NOTCH1: variants seen among roughly 807,000 people sequenced by gnomAD.
NOTCH1 encodes the protein notch receptor 1, also known as neurogenic locus notch homolog protein 1.
A neutral mutation model predicts 254.8 loss-of-function variants in NOTCH1; 37 were observed. That is an observed-to-expected ratio of 0.15 (90% CI 0.11 to 0.19). The LOEUF (loss-of-function observed/expected upper bound fraction) is 0.19, where lower values mean the gene tolerates loss of function less well. Among genes scored for constraint, NOTCH1 ranks in the 10% least tolerant of loss-of-function variants. The probability of loss-of-function intolerance (pLI) is 1.00; values close to 1 mark genes in which losing one functional copy is unlikely to be tolerated. For missense variants in NOTCH1, 2,972 were observed against 3,708.6 expected (o/e 0.80, Z 5.16); for synonymous variants, 1,731 against 1,618.1 (o/e 1.07, Z -1.68).
At chr9:136,538,517 G>A (rs112969124) in intron 2 of NOTCH1, among the ~76,000 whole-genome samples, 234 of 152,368 alleles carry the variant, frequency 1.5e-3, no homozygotes, top group African/African-American at 5.3e-3. Context: ...AGGAGAAAGC[G>A]CCAGCGCTGC....
chr9:136,517,334 G>A lies in NOTCH1; in HGVS notation c.1493C>T (p.Pro498Leu). 3 of 1,609,722 alleles carry A rather than the reference G, an allele frequency of 1.9e-6. No individual in the cohort carries two copies. The highest frequency in any genetic ancestry group is 2.5e-6 in the Non-Finnish European group (3 of 1,178,632). Residue 498 changes from proline to leucine, a missense_variant, in exon 9 of 34, where the codon CCC (proline) becomes CTC (leucine). By Grantham distance (98) the Pro-to-Leu change is moderately conservative. This residue lies in a region of NOTCH1 where 128 missense variants were observed against 193.8 expected (regional missense o/e 0.66). Transcript: ENST00000651671. Reference sequence around the variant, plus strand: ...CAGGCAGCGGCCATTGTGCAGGCAGGGGCTGCTGGCACACTCGTCTGTGTT... The same window carrying A: ...CAGGCAGCGGCCATTGTGCAGGCAGAGGCTGCTGGCACACTCGTCTGTGTT... ...EVNTDECASS[P>L]CLHNGRCLDK... is the part of the protein sequence containing the mutation.
chr9:136,522,959 A>G lies in NOTCH1; in HGVS notation c.633T>C (p.Thr211=), dbSNP rs1843397629. The G allele has an allele frequency of 5.8e-6, 9 of 1,558,296 alleles. No individual in the cohort carries two copies. The highest frequency in any genetic ancestry group is 7.8e-6 in the Non-Finnish European group (9 of 1,151,848). ...CGTAGGGCCGCTCGCAGTTGGGGCCAGTGTGGGTGGCGCGGCAGACGCAGC... is the reference window on the plus strand; with the variant it reads ...CGTAGGGCCGCTCGCAGTTGGGGCCGGTGTGGGTGGCGCGGCAGACGCAGC... ...SYRCVCRATH[T]GPNCERPYVP... The change falls in exon 4 of 34, where the codon ACT becomes ACC. Residue 211 remains threonine (T), a synonymous_variant. Coordinates refer to ENST00000651671, the MANE Select transcript of NOTCH1 (RefSeq NM_017617.5).
chr9:136,502,013 G>A lies in NOTCH1; in HGVS notation c.5460C>T (p.Thr1820=), dbSNP rs1176961989. 12 of 1,612,952 alleles carry A rather than the reference G, an allele frequency of 7.4e-6. No homozygotes were observed. In the Admixed American group the frequency reaches 8.3e-5, roughly 11 times the overall value. Residue 1820 remains threonine (T), a synonymous_variant, in exon 29 of 34, where the codon ACC becomes ACT. Coordinates refer to ENST00000651671, the MANE Select transcript of NOTCH1 (RefSeq NM_017617.5). ...CCTCGCGACTCACCCGGAACTTCTT[G>A]GTCTCCAGGTCCTCGTCCCCCCACT... ...QNEWGDEDLE[T]KKFRFEEPVV...
chr9:136,505,140 C>T (rs768748949), intron 25 of NOTCH1, 36 bp from the exon 26 acceptor site: 69 of 1,585,188 alleles, frequency 4.4e-5, no homozygotes, highest in Admixed American at 6.8e-5. Context: ...CCGCCTTCCT[C>T]GGGGGGCCTC....
Position 136,513,402 on chromosome 9 carries a change from C to T in NOTCH1, c.2343G>A (p.Glu781=), listed in dbSNP as rs1361020382. 4 of 1,612,810 alleles carry T rather than the reference C, an allele frequency of 2.5e-6. No homozygotes were observed. In the African/African-American group the frequency reaches 5.3e-5, roughly 22 times the overall value. ...GCGCAGCCCACTCACCGCTGAAGCC[C>T]TCCCGGCAGGTGCACACGTAGCCAC... The part of the protein sequence containing the change: ...MTSGYVCTCR[E]GFSGPNCQTN... Residue 781 remains glutamate, a synonymous_variant, in exon 14 of 34, where the codon GAG becomes GAA. Transcript: ENST00000651671. The surrounding 1 kb of genome is among the most constrained non-coding windows in gnomAD (Gnocchi z 4.7).
At chr9:136,535,944 AG>A (rs201039027) in intron 2 of NOTCH1, among the ~76,000 whole-genome samples, 1 of 19,982 alleles carries the variant, frequency 5.0e-5, no homozygotes, top group Non-Finnish European at 1.0e-4. Context: ...GTGGGTGGAG[AG>A]GGGAGCACTC....
chr9:136,537,695 C>T (rs1469455191), intron 2 of NOTCH1, among the ~76,000 whole-genome samples: 2 of 152,068 alleles, frequency 1.3e-5, no homozygotes, highest in Admixed American at 6.6e-5. Context: ...ACTCTGGAGG[C>T]GGAGGCAGGA....
At chr9:136,508,829 A>G in intron 19 of NOTCH1, 41 bp downstream of exon 19, 1 of 1,518,106 alleles carries the variant, frequency 6.6e-7, no homozygotes, top group Non-Finnish European at 8.9e-7. Context: ...GCACCCACCC[A>G]GGGCCCCTCC....
At position 136,518,824 on chromosome 9, in the gene NOTCH1, C is replaced by A. The variant is rs2133371706; in HGVS notation, c.866G>T (p.Gly289Val). The change falls in exon 6 of 34, where the codon GGT becomes GTT. Residue 289 changes from glycine to valine, a missense_variant and splice_region_variant. By Grantham distance (109) the Gly-to-Val change is moderately radical (BLOSUM62 -3). This residue lies in a region of NOTCH1 where 374 missense variants were observed against 496.3 expected (regional missense o/e 0.75). Coordinates refer to ENST00000651671, the MANE Select transcript of NOTCH1 (RefSeq NM_017617.5). ...GTCCACATCCTCGGTACAGTACTGA[C>A]CTGCAGGGAACAGGAGCTGTCGGCC... is the stretch of plus-strand genomic sequence containing the variant. ...YNCRCPPEWT[G>V]QYCTEDVDEC... 1.2e-6 allele frequency: 2 copies of A among 1,612,576 alleles called. No homozygotes were observed. The highest frequency in any genetic ancestry group is 1.7e-6 in the Non-Finnish European group (2 of 1,179,778).
At chr9:136,536,805 C>T (rs535669069) in intron 2 of NOTCH1, among the ~76,000 whole-genome samples, 1 of 152,380 alleles carries the variant, frequency 6.6e-6, no homozygotes, top group Admixed American at 6.5e-5. Flanking sequence ...CATGCTCCTC[C>T]CCTGCCCAGG....
Position 136,506,517 on chromosome 9 carries a change from C to T in NOTCH1, c.4014+10G>A, listed in dbSNP as rs1843087502. The T allele has an allele frequency of 3.8e-6, 6 of 1,580,182 alleles. No individual in the cohort carries two copies. The East Asian group carries it at 1.4e-4, about 36-fold the overall frequency. ...GGCGGGCCCCTGCCTCCCTGCACCC[C>T]TGCACCTACCGCAGGGCACTTGCAG... On this transcript the variant is annotated intron_variant, in intron 24 of 33. Coordinates refer to ENST00000651671, the MANE Select transcript of NOTCH1 (RefSeq NM_017617.5). The surrounding 1 kb of genome is among the most constrained non-coding windows in gnomAD (Gnocchi z 4.5).
intron 2 of NOTCH1, among the ~76,000 whole-genome samples, chr9:136,524,639 C>CTTTTTT (rs869128901): frequency 7.4e-4 from 40 of 54,406 alleles, no homozygotes; most frequent in Non-Finnish European, 8.4e-4. Context: ...TTTTTCTTTT[C>CTTTTTT]TTTTTTTTTT....
Position 136,502,316 on chromosome 9 carries a change from C to T in NOTCH1, c.5340G>A (p.Lys1780=), listed in dbSNP as rs148187717. ...PEGFKVSEAS[K]KKRREPLGED... ...CGCCGAGGGGCTCCCGCCGCTTCTT[C>T]TTGCTGGCCTCAGACACTTTGAAGC... The change falls in exon 28 of 34, where the codon AAG becomes AAA. Residue 1780 remains lysine (K), a synonymous_variant. Coordinates refer to ENST00000651671, the MANE Select transcript of NOTCH1 (RefSeq NM_017617.5). The T allele has an allele frequency of 2.0e-5, 33 of 1,612,376 alleles. No individual in the cohort carries two copies. The highest frequency in any genetic ancestry group is 1.3e-5 in the Non-Finnish European group (15 of 1,179,828).
At chr9:136,517,455 TG>T (rs1843294411) in intron 8 of NOTCH1, 70 bp from the exon 9 acceptor site, 10 of 1,153,802 alleles carry the variant, frequency 8.7e-6, no homozygotes, top group Non-Finnish European at 1.3e-5. Flanking sequence ...GCTGTGGACT[TG>T]GGACAGAAAC....
intron 4 of NOTCH1, among the ~76,000 whole-genome samples, chr9:136,521,267 G>A (rs1473671586): frequency 1.3e-5 from 2 of 152,200 alleles, no homozygotes; most frequent in East Asian, 1.9e-4. Context: ...ACCCCTCACC[G>A]GACGGGTGAC....
chr9:136,504,712 C>A lies in NOTCH1; in HGVS notation c.4979G>T (p.Gly1660Val), dbSNP rs2133335795. Reference protein sequence around the residue: ...ASLLPGGSEGGRRRRELDPMD... With the variant: ...ASLLPGGSEGVRRRRELDPMD... ...GGGGTCCAGCTCCCTCCGCCGCCGCCCACCCTCGCTGCCACCAGGGAGCAG... is the reference window on the plus strand; with the variant it reads ...GGGGTCCAGCTCCCTCCGCCGCCGCACACCCTCGCTGCCACCAGGGAGCAG... The change falls in exon 26 of 34, where the codon GGG becomes GTG. Residue 1660 changes from glycine to valine, a missense_variant. This residue lies in a region of NOTCH1 where 1,343 missense variants were observed against 1,557.0 expected (regional missense o/e 0.86). Coordinates refer to ENST00000651671, the MANE Select transcript of NOTCH1 (RefSeq NM_017617.5). The A allele has an allele frequency of 1.3e-6, 2 of 1,539,040 alleles. No homozygotes were observed. Among genetic ancestry groups the A allele is most frequent in the Non-Finnish European group, 1.8e-6 (2 of 1,141,058 alleles).
chr9:136,529,466 C>G (rs916397794), intron 2 of NOTCH1, among the ~76,000 whole-genome samples: 8 of 152,232 alleles, frequency 5.3e-5, no homozygotes, highest in African/African-American at 1.9e-4. Flanking sequence ...ATGAGCTGGG[C>G]AGGGGGCTCG....
rs1025382096 is a variant in NOTCH1 at position 136,516,110 on chromosome 9, G to A, written c.1556-16C>T. The A allele has an allele frequency of 1.3e-6, 2 of 1,572,096 alleles. No individual in the cohort carries two copies. Among genetic ancestry groups the A allele is most frequent in the Non-Finnish European group, 1.7e-6 (2 of 1,148,066 alleles). ...CCAGTGAAGCCTGGGGCCGGGGAGG[G>A]GAGGGGAGGGAGTCATGTGCAACAG... On this transcript the variant is annotated splice_polypyrimidine_tract_variant and intron_variant, in intron 9 of 33. Transcript: ENST00000651671.
chr9:136,506,451 G>T lies in NOTCH1; in HGVS notation c.4014+76C>A. The T allele has an allele frequency of 1.5e-6, 2 of 1,297,480 alleles. No individual in the cohort carries two copies. Among genetic ancestry groups the T allele is most frequent in the Non-Finnish European group, 2.2e-6 (2 of 928,186 alleles). The allele number at this position is 1,297,480 out of a possible 1,614,324, so 80.4% of individuals were successfully genotyped here. ...CCGGGAGGATCACTGCCCGGTCTGC[G>T]CCCCGAGGCCCCCACGTGGACCTCT... On this transcript the variant is annotated intron_variant, in intron 24 of 33. Coordinates refer to ENST00000651671, the MANE Select transcript of NOTCH1 (RefSeq NM_017617.5). The surrounding 1 kb of genome is among the most constrained non-coding windows in gnomAD (Gnocchi z 4.5).
Sources: allele counts gnomAD v4.1 joint callset (sites outside exome capture counted in the v4.1 genomes callset), GRCh38; gene constraint gnomAD v4.1.1; regional missense constraint gnomAD v4.1.1; non-coding constraint Gnocchi (gnomAD v3.1); transcripts MANE v1.5; gene names NCBI Gene and HGNC (gene_info 2026-07-23, HGNC 2026-07-21).